Variants in IL15 observed in about 807,000 individuals in gnomAD.
The protein encoded by IL15 is interleukin-15.
A neutral mutation model predicts 19.6 loss-of-function variants in IL15; 11 were observed. That is an observed-to-expected ratio of 0.56 (90% CI 0.35 to 0.93). The LOEUF is 0.93. Ranked by LOEUF, IL15 falls within the 40% of genes least tolerant of loss-of-function variation. IL15 has a pLI of 0.01. For missense variants in IL15, 197 were observed against 186.5 expected, an observed-to-expected ratio of 1.06 and a Z score of -0.33; for synonymous variants, 58 against 59.6, an observed-to-expected ratio of 0.97 and a Z score of 0.12.
chr4:141,725,217 A>G (rs2152191563), intron 5 of IL15, among the ~76,000 whole-genome samples: 1 of 152,280 alleles, frequency 6.6e-6, no homozygotes, highest in Middle Eastern at 3.5e-3. Context: ...GGTATCTGAT[A>G]AAATGCAACA....
chr4:141,696,916 T>C (rs1324764596), intron 2 of IL15, among the ~76,000 whole-genome samples: 1 of 152,158 alleles, frequency 6.6e-6, no homozygotes, highest in African/African-American at 2.4e-5. Context: ...ATATTAGTCT[T>C]TTGTCAGTAC....
At chr4:141,655,268 G>GA (rs1424088196) in intron 1 of IL15, among the ~76,000 whole-genome samples, 1 of 151,398 alleles carries the variant, frequency 6.6e-6, no homozygotes, top group Non-Finnish European at 1.5e-5. Context: ...AAAGAGGATG[G>GA]AAAACATATC....
In IL15 at chr4:141,649,580, C is replaced by T. The variant is rs551779660; in HGVS notation, c.-221-6606C>T. 2.6e-5 allele frequency among the ~76,000 whole-genome samples: 4 copies of T among 152,112 alleles called. No homozygotes were observed. The South Asian group carries it at 8.3e-4, about 32-fold the overall frequency. On this transcript the variant is annotated intron_variant, in intron 1 of 7. Transcript: ENST00000320650. ...TCATTATTTATAGATGAAAGCCATACAAATTAACAAGCTACTAAAACAAAT... is the reference window on the plus strand; with the variant it reads ...TCATTATTTATAGATGAAAGCCATATAAATTAACAAGCTACTAAAACAAAT...
intron 6 of IL15, 59 bp from the exon 7 acceptor site, chr4:141,729,788 T>G: frequency 1.1e-6 from 1 of 909,070 alleles, no homozygotes; most frequent in Non-Finnish European, 1.7e-6. Context: ...CAAAATTACA[T>G]CAGTATGAAA....
intron 2 of IL15, among the ~76,000 whole-genome samples, chr4:141,688,558 A>C (rs147879789): frequency 6.6e-6 from 1 of 152,368 alleles, no homozygotes; most frequent in Non-Finnish European, 1.5e-5. Flanking sequence ...TGAAGCCACT[A>C]TCTATAGAAA....
At chr4:141,653,735 G>GT (rs1002932015) in intron 1 of IL15, among the ~76,000 whole-genome samples, 3 of 152,052 alleles carry the variant, frequency 2.0e-5, no homozygotes, top group Non-Finnish European at 4.4e-5. Context: ...GGACATTTAG[G>GT]TTTTTTCCAT....
At chr4:141,688,382 G>A (rs1728777829) in intron 2 of IL15, among the ~76,000 whole-genome samples, 1 of 152,126 alleles carries the variant, frequency 6.6e-6, no homozygotes, top group African/African-American at 2.4e-5. Flanking sequence ...CAGCTTCTCT[G>A]GGGATGAGGG....
chr4:141,722,892 G>T (rs573735021), intron 5 of IL15, among the ~76,000 whole-genome samples: 2 of 152,170 alleles, frequency 1.3e-5, no homozygotes, highest in African/African-American at 4.8e-5. Context: ...AAAGCAAACT[G>T]TAAAGGCTCA....
chr4:141,721,882 T>C (rs1355462063), intron 4 of IL15, 42 bp from the exon 5 acceptor site: 2 of 1,501,968 alleles, frequency 1.3e-6, no homozygotes, highest in South Asian at 1.2e-5. Flanking sequence ...TCAAGATGAA[T>C]AGGCTCCTTC....
At chr4:141,685,074 T>A (rs1206558167) in intron 2 of IL15, among the ~76,000 whole-genome samples, 1 of 152,178 alleles carries the variant, frequency 6.6e-6, no homozygotes, top group Admixed American at 6.5e-5. Context: ...ATGATTCAAA[T>A]CAATGGACAT....
intron 5 of IL15, among the ~76,000 whole-genome samples, chr4:141,726,225 A>T (rs564332457): frequency 6.6e-6 from 1 of 152,232 alleles, no homozygotes; most frequent in South Asian, 2.1e-4. Context: ...AGCAGGAGAG[A>T]AAAAATGTAT....
At chr4:141,700,791 C>T (rs1245996209) in intron 2 of IL15, among the ~76,000 whole-genome samples, 1 of 152,136 alleles carries the variant, frequency 6.6e-6, no homozygotes, top group Non-Finnish European at 1.5e-5. Flanking sequence ...TACATAATCC[C>T]ATATTTCTTG....
At chr4:141,706,741 G>A (rs1423920256) in intron 2 of IL15, among the ~76,000 whole-genome samples, 3 of 151,256 alleles carry the variant, frequency 2.0e-5, no homozygotes, top group Non-Finnish European at 4.4e-5. Context: ...CTTTGAATAT[G>A]TCATGCCATT....
chr4:141,698,298 C>A (rs1390840286), intron 2 of IL15, among the ~76,000 whole-genome samples: 1 of 151,822 alleles, frequency 6.6e-6, no homozygotes, highest in East Asian at 1.9e-4. Context: ...CTGTGGTTTT[C>A]TTTTTTTGTT....
At chr4:141,681,486 C>G (rs761643177) in intron 2 of IL15, among the ~76,000 whole-genome samples, 2 of 152,132 alleles carry the variant, frequency 1.3e-5, no homozygotes, top group African/African-American at 4.8e-5. Flanking sequence ...TTCACTGTGT[C>G]TTGATGCCTC....
chr4:141,725,388 A>G (rs1179135443), intron 5 of IL15, among the ~76,000 whole-genome samples: 1 of 152,174 alleles, frequency 6.6e-6, no homozygotes, highest in Non-Finnish European at 1.5e-5. Context: ...TTAGAAAAAC[A>G]GATAAGGGTA....
chr4:141,646,109 G>A (rs1469551089), intron 1 of IL15, among the ~76,000 whole-genome samples: 1 of 152,014 alleles, frequency 6.6e-6, no homozygotes, highest in Non-Finnish European at 1.5e-5. Flanking sequence ...GCATGTTCAT[G>A]GGGGGAAGGC....
At chr4:141,652,163 TATA>T (rs1196872865) in intron 1 of IL15, among the ~76,000 whole-genome samples, 1 of 152,138 alleles carries the variant, frequency 6.6e-6, no homozygotes, top group African/African-American at 2.4e-5. Context: ...GCAATCTATT[TATA>T]ATAATAGTTT....
intron 2 of IL15, among the ~76,000 whole-genome samples, chr4:141,669,660 C>T (rs1728104638): frequency 6.6e-6 from 1 of 152,080 alleles, no homozygotes; most frequent in South Asian, 2.1e-4. Context: ...ATAGGCTATT[C>T]AAGTGGAAGT....
Sources: allele counts gnomAD v4.1 joint callset (sites outside exome capture counted in the v4.1 genomes callset), GRCh38; gene constraint gnomAD v4.1.1; transcripts MANE v1.5; gene names NCBI Gene and HGNC (gene_info 2026-07-23, HGNC 2026-07-21).